POTEE: variants seen among roughly 807,000 people sequenced by gnomAD.
POTEE encodes POTE ankyrin domain family member E, also known as ANKRD26-like family C member 1A.
A neutral mutation model predicts 74.2 loss-of-function variants in POTEE; 21 were observed. The ratio of observed to expected loss-of-function variants is 0.28; its 90% CI spans 0.20 to 0.41. POTEE has a LOEUF of 0.41. Ranked by LOEUF, POTEE falls within the 10% of genes least tolerant of loss-of-function variation. POTEE has a pLI of 1.00. For missense variants in POTEE, 525 were observed against 1,158.6 expected, an observed-to-expected ratio of 0.45 and a Z score of 7.94; for synonymous variants, 211 against 432.8, an observed-to-expected ratio of 0.49 and a Z score of 6.36.
intron 8 of POTEE, 140 bp from the exon 9 acceptor site, chr2:131,230,696 T>C (rs4850270): frequency 0.78 from 522,423 of 665,726 alleles, 215,213 homozygotes; most frequent in Admixed American, 0.9. Flanking sequence ...GTAGAATGTA[T>C]TCATAAGTGG....
At chr2:131,227,736 C>G (rs1305171809) in intron 7 of POTEE, among the ~76,000 whole-genome samples, 1 of 149,168 alleles carries the variant, frequency 6.7e-6, no homozygotes, top group African/African-American at 2.6e-5. Context: ...TCAAAGTTGG[C>G]TGTGCATAAG....
At chr2:131,237,778 G>T (rs1217954289) in intron 10 of POTEE, among the ~76,000 whole-genome samples, 1 of 152,382 alleles carries the variant, frequency 6.6e-6, no homozygotes, top group South Asian at 2.1e-4. Context: ...ACTAGTTAGG[G>T]TTTCATGAGG....
Position 131,264,257 on chromosome 2 carries a change from C to G in POTEE, c.2802C>G (p.Ser934=), listed in dbSNP as rs1286805313. The G allele has an allele frequency of 6.2e-7, 1 of 1,614,174 alleles. No individual in the cohort carries two copies. The highest frequency in any genetic ancestry group is 8.5e-7 in the Non-Finnish European group (1 of 1,180,064). The change falls in exon 18 of 18, where the codon TCC becomes TCG. Residue 934 remains serine, a synonymous_variant. Coordinates refer to ENST00000683005, the MANE Select transcript of POTEE (RefSeq NM_001083538.3). ...EQEMATAASS[S]SLEKSYELPD... ...AGATGGCCACGGCGGCCTCCAGCTC[C>G]TCCCTAGAGAAGAGCTACGAGCTGC...
In POTEE at chr2:131,263,936, C is replaced by A. The variant is rs1267997214; in HGVS notation, c.2481C>A (p.Phe827Leu). Residue 827 changes from phenylalanine (F) to leucine (L), a missense_variant, in exon 18 of 18, where the codon TTC becomes TTA. Coordinates refer to ENST00000683005, the MANE Select transcript of POTEE (RefSeq NM_001083538.3). ...TGACCCAGATCATGTTTGAGACCTTCAACACCCCAGCCATGTACGTGGCCA... is the reference window on the plus strand; with the variant it reads ...TGACCCAGATCATGTTTGAGACCTTAAACACCCCAGCCATGTACGTGGCCA... ...EKMTQIMFET[F>L]NTPAMYVAIQ... 2.2e-5 allele frequency: 36 copies of A among 1,614,190 alleles called. 1 individual carries two copies. In the Middle Eastern group the frequency reaches 9.9e-4, roughly 44 times the overall value.
intron 1 of POTEE, among the ~76,000 whole-genome samples, 161 bp downstream of exon 1, chr2:131,209,980 G>A (rs1231425212): frequency 3.7e-4 from 48 of 130,452 alleles, no homozygotes; most frequent in African/African-American, 1.3e-3. Context: ...TTGGCTGGCT[G>A]TCCGGGGCTA....
intron 16 of POTEE, among the ~76,000 whole-genome samples, chr2:131,258,135 C>T (rs1292658369): frequency 2.4e-3 from 1 of 422 alleles, no homozygotes; most frequent in Non-Finnish European, 7.1e-3. Flanking sequence ...TGAACTGGCT[C>T]TGGCTGGCTT....
At chr2:131,225,084 G>A (rs3868844) in intron 6 of POTEE, among the ~76,000 whole-genome samples, 6 of 152,180 alleles carry the variant, frequency 3.9e-5, no homozygotes, top group African/African-American at 7.2e-5. Flanking sequence ...AATTGGTCAT[G>A]TGGGTGAGAA....
intron 16 of POTEE, among the ~76,000 whole-genome samples, chr2:131,260,561 A>G (rs372799438): frequency 6.7e-6 from 1 of 149,252 alleles, no homozygotes; most frequent in South Asian, 2.1e-4. Flanking sequence ...TAGGTACTTC[A>G]CACCTTTTTG....
chr2:131,253,947 G>A (rs1324738923), intron 16 of POTEE, among the ~76,000 whole-genome samples: 2 of 148,328 alleles, frequency 1.3e-5, no homozygotes, highest in South Asian at 4.2e-4. Flanking sequence ...GTTAGATGTA[G>A]GGTATACTGA....
At chr2:131,212,360 C>G (rs1170538503) in intron 2 of POTEE, among the ~76,000 whole-genome samples, 1 of 151,318 alleles carries the variant, frequency 6.6e-6, no homozygotes, top group East Asian at 1.9e-4. Flanking sequence ...ATTGCAGCCT[C>G]TGGCATAAAT....
chr2:131,215,462 A>G (rs1346537847), intron 2 of POTEE, among the ~76,000 whole-genome samples: 1 of 151,994 alleles, frequency 6.6e-6, no homozygotes, highest in Non-Finnish European at 1.5e-5. Flanking sequence ...ACAAATTTTT[A>G]CTAGATTTTT....
At chr2:131,233,666 A>T (rs1406773753) in intron 9 of POTEE, among the ~76,000 whole-genome samples, 1 of 148,776 alleles carries the variant, frequency 6.7e-6, no homozygotes, top group African/African-American at 2.5e-5. Context: ...GTAAGAAATA[A>T]CATTAATAGT....
intron 2 of POTEE, among the ~76,000 whole-genome samples, chr2:131,215,640 A>G (rs1034679008): frequency 4.8e-5 from 7 of 144,630 alleles, no homozygotes; most frequent in African/African-American, 1.9e-4. Flanking sequence ...AGTCATTGAC[A>G]AAGAAAGTTT....
intron 1 of POTEE, among the ~76,000 whole-genome samples, chr2:131,210,317 C>G (rs1700330696): frequency 1.0e-5 from 1 of 99,482 alleles, no homozygotes; most frequent in African/African-American, 4.4e-5. Flanking sequence ...TGCTACACTG[C>G]CTGTGGAAGG....
chr2:131,217,764 C>T (rs1277844024), intron 3 of POTEE, among the ~76,000 whole-genome samples, 81 bp downstream of exon 3: 2 of 11,260 alleles, frequency 1.8e-4, no homozygotes, highest in Admixed American at 3.4e-3. Context: ...CCGCACGCCG[C>T]ACGCGCACGC....
intron 16 of POTEE, among the ~76,000 whole-genome samples, chr2:131,261,206 G>A (rs1250640059): frequency 0.011 from 1,632 of 149,652 alleles, no homozygotes; most frequent in African/African-American, 0.039. Flanking sequence ...TACCGCCCGA[G>A]CTCCTCCTCC....
chr2:131,213,067 TCTC>T (rs1238205394), intron 2 of POTEE, among the ~76,000 whole-genome samples: 2 of 151,084 alleles, frequency 1.3e-5, no homozygotes, highest in East Asian at 3.9e-4. Flanking sequence ...TGAAAGCAGT[TCTC>T]CTGCCTTGGC....
At chr2:131,216,883 G>A (rs1700453664) in intron 2 of POTEE, among the ~76,000 whole-genome samples, 1 of 149,418 alleles carries the variant, frequency 6.7e-6, no homozygotes, top group Admixed American at 6.7e-5. Context: ...TTCTTAGGAA[G>A]TAGATGGATG....
chr2:131,231,546 AC>A (rs1273557296), intron 9 of POTEE, among the ~76,000 whole-genome samples: 4 of 152,220 alleles, frequency 2.6e-5, no homozygotes, highest in Admixed American at 6.5e-5. Context: ...AAGTCATGTT[AC>A]ATATGCTTGT....
Sources: gnomAD v4.1 joint callset for allele counts (sites outside exome capture counted in the v4.1 genomes callset) on GRCh38, gnomAD v4.1.1 for gene constraint, MANE v1.5 for transcripts, NCBI Gene and HGNC (gene_info 2026-07-23, HGNC 2026-07-21) for gene names.